Variants in SGCZ observed in about 807,000 individuals in gnomAD.
SGCZ encodes the protein zeta-sarcoglycan.
A neutral mutation model predicts 41.3 loss-of-function variants in SGCZ; 40 were observed. The observed-to-expected ratio is 0.97, with a 90% CI of 0.75 to 1.26. SGCZ has a LOEUF of 1.26. Among genes scored for constraint, SGCZ ranks in the 50% most tolerant of loss-of-function variants. The pLI is 0.00. For missense variants in SGCZ, 552 were observed against 369.8 expected, an observed-to-expected ratio of 1.49 and a Z score of -4.04; for synonymous variants, 206 against 137.5, an observed-to-expected ratio of 1.50 and a Z score of -3.49.
chr8:14,887,300 T>C (rs1001381346), intron 1 of SGCZ, among the ~76,000 whole-genome samples: 1 of 152,224 alleles, frequency 6.6e-6, no homozygotes, highest in Non-Finnish European at 1.5e-5. Context: ...TAACTATATA[T>C]GGAGTCAGTC....
At chr8:14,214,767 C>CA (rs1053370282) in intron 4 of SGCZ, among the ~76,000 whole-genome samples, 3 of 150,098 alleles carry the variant, frequency 2.0e-5, no homozygotes, top group South Asian at 2.1e-4. Context: ...ATTACCCGGA[C>CA]AAAAAAAAGG....
intron 1 of SGCZ, among the ~76,000 whole-genome samples, chr8:15,178,876 T>C (rs759233959): frequency 6.6e-6 from 1 of 152,196 alleles, no homozygotes; most frequent in Non-Finnish European, 1.5e-5. Flanking sequence ...AAACTCTATG[T>C]CCAATAAATG....
chr8:14,447,447 G>A (rs1231761258), intron 2 of SGCZ, among the ~76,000 whole-genome samples: 2 of 152,044 alleles, frequency 1.3e-5, no homozygotes, highest in Non-Finnish European at 2.9e-5. Context: ...AAAATACCAA[G>A]TTAAATATTT....
chr8:14,214,041 G>C (rs1039263828), intron 4 of SGCZ, among the ~76,000 whole-genome samples: 20 of 152,190 alleles, frequency 1.3e-4, no homozygotes, highest in African/African-American at 3.9e-4. Context: ...CAAAAAGAGT[G>C]ACTTTACAGT....
At chr8:14,177,165 T>C (rs946889095) in intron 4 of SGCZ, among the ~76,000 whole-genome samples, 10 of 152,156 alleles carry the variant, frequency 6.6e-5, no homozygotes, top group African/African-American at 2.4e-4. Context: ...CTTCTGTGGG[T>C]TGCCAGATGA....
At chr8:14,655,295 T>C (rs1250814514) in intron 1 of SGCZ, among the ~76,000 whole-genome samples, 1 of 152,114 alleles carries the variant, frequency 6.6e-6, no homozygotes, top group African/African-American at 2.4e-5. Context: ...ATGTAACTGC[T>C]TGTAGAAGGT....
chr8:14,361,007 T>C (rs968254370), intron 2 of SGCZ, among the ~76,000 whole-genome samples: 3 of 152,170 alleles, frequency 2.0e-5, no homozygotes, highest in African/African-American at 7.2e-5. Flanking sequence ...TGATATCTCA[T>C]AGTTTTCATA....
chr8:14,497,717 T>C (rs933327311), intron 2 of SGCZ, among the ~76,000 whole-genome samples: 6 of 152,038 alleles, frequency 3.9e-5, no homozygotes, highest in Non-Finnish European at 5.9e-5. Flanking sequence ...TGCTAAACCG[T>C]TCATAAGGGA....
chr8:14,611,159 C>G (rs984418472), intron 1 of SGCZ, among the ~76,000 whole-genome samples: 2 of 152,068 alleles, frequency 1.3e-5, no homozygotes, highest in African/African-American at 2.4e-5. Flanking sequence ...TCTCATTTTA[C>G]AATCTGTGAC....
At chr8:14,245,091 C>T (rs191722519) in intron 3 of SGCZ, among the ~76,000 whole-genome samples, 94 of 152,266 alleles carry the variant, frequency 6.2e-4, no homozygotes, top group Non-Finnish European at 1.1e-3. Flanking sequence ...TTATTTCCTT[C>T]TCCTGCCTAA....
At chr8:14,386,948 G>A (rs746355324) in intron 2 of SGCZ, among the ~76,000 whole-genome samples, 18 of 152,270 alleles carry the variant, frequency 1.2e-4, no homozygotes, top group African/African-American at 1.9e-4. Context: ...ATAAAATGGC[G>A]AAGGCTAGAA....
intron 1 of SGCZ, among the ~76,000 whole-genome samples, chr8:14,661,165 A>T (rs2117483219): frequency 6.6e-6 from 1 of 152,264 alleles, no homozygotes. Flanking sequence ...GCGTTTTATC[A>T]TTTAGGTAGT....
chr8:14,226,469 A>G (rs1246532903), intron 4 of SGCZ, among the ~76,000 whole-genome samples: 1 of 152,094 alleles, frequency 6.6e-6, no homozygotes, highest in Non-Finnish European at 1.5e-5. Flanking sequence ...AGAACGTCAT[A>G]TAAATGCCAT....
intron 1 of SGCZ, among the ~76,000 whole-genome samples, chr8:15,043,809 A>G (rs901000230): frequency 2.6e-5 from 4 of 152,144 alleles, no homozygotes; most frequent in African/African-American, 9.6e-5. Flanking sequence ...ACGTTTTCCT[A>G]AGTTTCAGTA....
chr8:14,411,355 A>G (rs1382393485), intron 2 of SGCZ, among the ~76,000 whole-genome samples: 1 of 152,170 alleles, frequency 6.6e-6, no homozygotes, highest in Non-Finnish European at 1.5e-5. Flanking sequence ...TCAGATATAT[A>G]AAACATATTA....
chr8:14,805,792 ACAC>A (rs1487557107), intron 1 of SGCZ, among the ~76,000 whole-genome samples: 1 of 151,886 alleles, frequency 6.6e-6, no homozygotes, highest in Non-Finnish European at 1.5e-5. Flanking sequence ...TTTCAGCACC[ACAC>A]CACACCTATT....
intron 2 of SGCZ, among the ~76,000 whole-genome samples, chr8:14,532,416 T>G (rs1342630868): frequency 1.3e-5 from 2 of 152,026 alleles, no homozygotes; most frequent in African/African-American, 2.4e-5. Flanking sequence ...TTCCTCCCTG[T>G]GTCCTCAATG....
intron 1 of SGCZ, among the ~76,000 whole-genome samples, chr8:14,670,156 T>C (rs534073303): frequency 1.3e-5 from 2 of 152,214 alleles, no homozygotes; most frequent in Non-Finnish European, 1.5e-5. Context: ...CTTTAAGATT[T>C]GTTCCAGCCT....
chr8:15,112,462 GT>G (rs1807105403), intron 1 of SGCZ, among the ~76,000 whole-genome samples: 1 of 152,174 alleles, frequency 6.6e-6, no homozygotes, highest in Non-Finnish European at 1.5e-5. Flanking sequence ...TTATGCTTTA[GT>G]TTGCAGTGGT....
Sources: gnomAD v4.1 joint callset for allele counts (sites outside exome capture counted in the v4.1 genomes callset) on GRCh38, gnomAD v4.1.1 for gene constraint, MANE v1.5 for transcripts, NCBI Gene and HGNC (gene_info 2026-07-23, HGNC 2026-07-21) for gene names.